Variants in GALNT9 observed in about 807,000 individuals in gnomAD.
GALNT9 encodes the protein polypeptide N-acetylgalactosaminyltransferase 9, also known as GalNAc transferase 9.
A neutral mutation model predicts 63.1 loss-of-function variants in GALNT9; 47 were observed. The observed-to-expected ratio is 0.75, with a 90% CI of 0.59 to 0.95. The LOEUF (loss-of-function observed/expected upper bound fraction) is 0.95, where lower values mean the gene tolerates loss of function less well. GALNT9 is among the 40% of genes least tolerant of loss of function. The pLI is 0.00. For synonymous variants in GALNT9, 396 were observed against 365.7 expected (o/e 1.08, Z -0.94); for missense variants, 829 against 874.8 (o/e 0.95, Z 0.66).
chr12:132,311,934 G>T (rs1881828932), intron 1 of GALNT9, among the ~76,000 whole-genome samples: 1 of 152,132 alleles, frequency 6.6e-6, no homozygotes, highest in African/African-American at 2.4e-5. Flanking sequence ...AACGTGCCTG[G>T]CTATTAATTT....
In GALNT9 at chr12:132,252,788, C is replaced by A. The variant is rs1390701385; in HGVS notation, c.960-4761G>T. Among the ~76,000 whole-genome samples the A allele has an allele frequency of 6.6e-6, 1 of 152,034 alleles. No individual in the cohort carries two copies. Among genetic ancestry groups the A allele is most frequent in the East Asian group, 1.9e-4 (1 of 5,176 alleles). On this transcript the variant is annotated intron_variant, in intron 5 of 10. Transcript: ENST00000328957. The surrounding 1 kb of genome is among the most constrained non-coding windows in gnomAD (Gnocchi z 5.2). ...ATCCCAGCTACTAGGGAGGCTGAGGCAGGAGAATCGCTTGAACCTGGGAGG... is the reference window on the plus strand; with the variant it reads ...ATCCCAGCTACTAGGGAGGCTGAGGAAGGAGAATCGCTTGAACCTGGGAGG...
intron 6 of GALNT9, among the ~76,000 whole-genome samples, chr12:132,247,209 G>A (rs975205859): frequency 2.2e-4 from 33 of 150,544 alleles, no homozygotes; most frequent in Admixed American, 2.0e-3. Context: ...ACACAGTCCC[G>A]GGAGGCAGAA....
chr12:132,314,780 C>G (rs1555245589), intron 1 of GALNT9, among the ~76,000 whole-genome samples: 1 of 152,188 alleles, frequency 6.6e-6, no homozygotes, highest in Non-Finnish European at 1.5e-5. Context: ...CGGATCAAAC[C>G]CTCTCCCCGA....
rs1878974634 is a variant in GALNT9 at position 132,252,832 on chromosome 12, G to A, written c.960-4805C>T. On this transcript the variant is annotated intron_variant, in intron 5 of 10. Transcript: ENST00000328957. The surrounding 1 kb of genome is among the most constrained non-coding windows in gnomAD (Gnocchi z 5.2). ...TGGGAGGCGGAGGTTGTGGTGAGCC[G>A]AGATCGCACCACTGCACTCCAGCCT... 6.6e-6 allele frequency among the ~76,000 whole-genome samples: 1 copy of A among 151,628 alleles called. No homozygotes were observed. Among genetic ancestry groups the A allele is most frequent in the Non-Finnish European group, 1.5e-5 (1 of 67,954 alleles).
intron 4 of GALNT9, among the ~76,000 whole-genome samples, chr12:132,260,431 G>A (rs1566003481): frequency 6.6e-6 from 1 of 152,184 alleles, no homozygotes; most frequent in Non-Finnish European, 1.5e-5. Context: ...TACACAAGGT[G>A]ACCCCCTCAG....
At chr12:132,243,366 G>C (rs1332154126) in intron 6 of GALNT9, among the ~76,000 whole-genome samples, 1 of 149,302 alleles carries the variant, frequency 6.7e-6, no homozygotes, top group African/African-American at 2.4e-5. Context: ...AGTGGCCTCA[G>C]TGTCCAGTCC....
At chr12:132,262,326 G>T (rs1879422514) in intron 3 of GALNT9, 133 bp downstream of exon 3, 2 of 1,239,660 alleles carry the variant, frequency 1.6e-6, no homozygotes, top group Admixed American at 5.6e-5. Flanking sequence ...GACCCCCATA[G>T]GTTTAGAGCC....
At chr12:132,224,757 C>T in intron 6 of GALNT9, among the ~76,000 whole-genome samples, 1 of 146,142 alleles carries the variant, frequency 6.8e-6, no homozygotes, top group South Asian at 2.2e-4. Flanking sequence ...CCCTCCCACA[C>T]CCCACACTGT....
At chr12:132,204,980 GC>G (rs993317695) in intron 6 of GALNT9, among the ~76,000 whole-genome samples, 1 of 152,024 alleles carries the variant, frequency 6.6e-6, no homozygotes, top group African/African-American at 2.4e-5. Flanking sequence ...CCCTGGCATT[GC>G]CCCGTTCCCT....
In GALNT9 at chr12:132,200,838, C is replaced by A. The variant is rs563108804; in HGVS notation, c.1401+286G>T. The stretch of plus-strand genomic sequence containing the variant: ...CACACCTGCCTGCCTCTAGGGAGGT[C>A]CATGTGAAGGAATGGGTGTGTATGG... On this transcript the variant is annotated intron_variant, in intron 8 of 10. Transcript: ENST00000328957. 1.6e-4 allele frequency: 72 copies of A among 437,024 alleles called. 2 individuals are homozygous for A. The South Asian group carries it at 1.8e-3, about 11-fold the overall frequency. The allele number at this position is 437,024 out of a possible 1,614,324, so 27.1% of individuals were successfully genotyped here. A position where few individuals can be genotyped will look rare whatever the true frequency, so the allele number is the denominator to read the frequency against.
At chr12:132,210,980 T>G (rs1876935603) in intron 6 of GALNT9, among the ~76,000 whole-genome samples, 1 of 151,848 alleles carries the variant, frequency 6.6e-6, no homozygotes, top group Non-Finnish European at 1.5e-5. Flanking sequence ...ACTTGAGAGG[T>G]GCGCTCAGCA....
At chr12:132,270,110 G>C (rs928942826) in intron 2 of GALNT9, among the ~76,000 whole-genome samples, 37 of 152,134 alleles carry the variant, frequency 2.4e-4, no homozygotes, top group African/African-American at 8.9e-4. Flanking sequence ...AATGAAACAG[G>C]GTCACACCTA....
intron 4 of GALNT9, among the ~76,000 whole-genome samples, chr12:132,259,034 G>T (rs1486552045): frequency 6.6e-6 from 1 of 152,206 alleles, no homozygotes; most frequent in Admixed American, 6.5e-5. Flanking sequence ...CCTTCTTCCC[G>T]TCCTTCTGAG....
intron 1 of GALNT9, among the ~76,000 whole-genome samples, chr12:132,325,293 CACTGG>C (rs1868988313): frequency 6.6e-6 from 1 of 152,240 alleles, no homozygotes; most frequent in Non-Finnish European, 1.5e-5. Flanking sequence ...CTCGCTTGCT[CACTGG>C]ACAGATATTC....
In GALNT9 at chr12:132,327,274, G is replaced by A. The variant is rs1414016780; in HGVS notation, c.238+1692C>T. Among the ~76,000 whole-genome samples, 15 of 151,610 alleles carry A rather than the reference G, an allele frequency of 9.9e-5. No individual in the cohort carries two copies. In the Middle Eastern group the frequency reaches 0.01, roughly 104 times the overall value. Reference sequence around the variant, plus strand: ...GACAGGAGGAAGCGGGATGGGAGAAGGCAGTGGGGGCGGTGGGCGGTGGGG... The same window carrying A: ...GACAGGAGGAAGCGGGATGGGAGAAAGCAGTGGGGGCGGTGGGCGGTGGGG... On this transcript the variant is annotated intron_variant, in intron 1 of 10. Coordinates refer to ENST00000328957, the MANE Select transcript of GALNT9 (RefSeq NM_001122636.2). This position sits in a 1 kb window ranked among gnomAD's most constrained non-coding sequence, Gnocchi z 4.3.
At chr12:132,229,920 T>G (rs1161735660) in intron 6 of GALNT9, among the ~76,000 whole-genome samples, 1 of 152,164 alleles carries the variant, frequency 6.6e-6, no homozygotes, top group Admixed American at 6.5e-5. Context: ...TCAGCCCCAA[T>G]CTCAGCCACC....
intron 6 of GALNT9, among the ~76,000 whole-genome samples, chr12:132,227,951 C>G (rs1484963396): frequency 1.3e-5 from 2 of 152,154 alleles, no homozygotes; most frequent in East Asian, 3.9e-4. Flanking sequence ...TCCCTGCAGC[C>G]TGGAGGCCTG....
At chr12:132,239,843 G>C (rs1555236735) in intron 6 of GALNT9, among the ~76,000 whole-genome samples, 1 of 152,150 alleles carries the variant, frequency 6.6e-6, no homozygotes, top group East Asian at 1.9e-4. Flanking sequence ...GAGACAAAGA[G>C]AGACAGACAC....
intron 6 of GALNT9, chr12:132,240,507 T>C (rs2136898403): frequency 2.4e-4 from 102 of 423,732 alleles, no homozygotes; most frequent in South Asian, 1.7e-3. Context: ...CGGCACTCAC[T>C]CCAGTCGCTG....
Sources: allele counts gnomAD v4.1 joint callset (sites outside exome capture counted in the v4.1 genomes callset), GRCh38; gene constraint gnomAD v4.1.1; non-coding constraint Gnocchi (gnomAD v3.1); transcripts MANE v1.5; gene names NCBI Gene and HGNC (gene_info 2026-07-23, HGNC 2026-07-21).